The following ERCC4 variants were observed in gnomAD, a reference collection of about 807,000 sequenced individuals.
The protein encoded by ERCC4 is ERCC excision repair 4, endonuclease catalytic subunit.
In ERCC4, 65 loss-of-function variants were observed where a neutral mutation model predicts 76.9. That is an observed-to-expected ratio of 0.84 (90% CI 0.69 to 1.04). The LOEUF (loss-of-function observed/expected upper bound fraction) is 1.04. Among genes scored for constraint, ERCC4 ranks in the 50% least tolerant of loss-of-function variants. The pLI, the probability that ERCC4 is intolerant of heterozygous loss-of-function variation, is 0.00. For synonymous variants in ERCC4, 463 were observed against 410.1 expected, an observed-to-expected ratio of 1.13 and a Z score of -1.56; for missense variants, 1,214 against 1,128.2, an observed-to-expected ratio of 1.08 and a Z score of -1.09.
chr16:13,946,843 C>T (rs2032524102), intron 10 of ERCC4, among the ~76,000 whole-genome samples: 1 of 152,154 alleles, frequency 6.6e-6, no homozygotes, highest in South Asian at 2.1e-4. Context: ...TAACTGCAAC[C>T]TCCACCTCCT....
intron 2 of ERCC4, among the ~76,000 whole-genome samples, chr16:13,923,447 G>T: frequency 6.6e-6 from 1 of 152,184 alleles, no homozygotes; most frequent in East Asian, 1.9e-4. Context: ...TATCTGTCAT[G>T]TTGCCCTGAA....
intron 9 of ERCC4, among the ~76,000 whole-genome samples, chr16:13,942,925 A>G (rs1469630878): frequency 6.6e-6 from 1 of 152,226 alleles, no homozygotes; most frequent in African/African-American, 2.4e-5. Flanking sequence ...CCAGAGTGCA[A>G]TAGAGAGAAT....
chr16:13,926,753 CA>C lies in ERCC4; in HGVS notation c.583del (p.Arg195GlyfsTer4). 2.5e-6 allele frequency: 4 copies of C among 1,608,926 alleles called. No homozygotes were observed. Among genetic ancestry groups the C allele is most frequent in the African/African-American group, 1.3e-5 (1 of 74,868 alleles). ...NLFVRKLYLW[P>X]RFHVAVNSFL... ...TTTGTGAGGAAACTGTATCTGTGGC[CA>C]AGGTAAAGAACATTATGTGACAAAT... On this transcript the variant is annotated frameshift_variant and splice_region_variant, in exon 3 of 11. Coordinates refer to ENST00000311895, the MANE Select transcript of ERCC4 (RefSeq NM_005236.3). LOFTEE classifies it high-confidence loss of function.
At chr16:13,940,222 A>C (rs868574997) in intron 9 of ERCC4, among the ~76,000 whole-genome samples, 4 of 152,046 alleles carry the variant, frequency 2.6e-5, no homozygotes, top group Non-Finnish European at 4.4e-5. Context: ...CCCTGCCTCT[A>C]CTAAAAATGC....
intron 4 of ERCC4, 85 bp from the exon 5 acceptor site, chr16:13,930,625 A>G: frequency 9.8e-7 from 1 of 1,021,246 alleles, no homozygotes; most frequent in African/African-American, 1.6e-5. Context: ...ATACACAGGA[A>G]ATAATCCTTT....
chr16:13,946,635 T>C lies in ERCC4; in HGVS notation c.2018-979T>C, dbSNP rs143689499. 2.7e-3 allele frequency among the ~76,000 whole-genome samples: 410 copies of C among 152,322 alleles called. 1 individual carries two copies. Among genetic ancestry groups the C allele is most frequent in the African/African-American group, 9.6e-3 (398 of 41,578 alleles). On this transcript the variant is annotated intron_variant, in intron 10 of 10. Coordinates refer to ENST00000311895, the MANE Select transcript of ERCC4 (RefSeq NM_005236.3). ...TCTGCCTACAGCAGCCCTTGATACT[T>C]AAAAATGTGATCCTTAAACAAGCAG... is the stretch of plus-strand genomic sequence containing the variant.
At chr16:13,930,279 T>G (rs1025005958) in intron 4 of ERCC4, among the ~76,000 whole-genome samples, 1 of 152,046 alleles carries the variant, frequency 6.6e-6, no homozygotes, top group Non-Finnish European at 1.5e-5. Flanking sequence ...ATCCCATGTC[T>G]TTATCCATCC....
At position 13,940,021 on chromosome 16, in the gene ERCC4, C is replaced by T. The variant is rs1021042487; in HGVS notation, c.1904+2163C>T. Among the ~76,000 whole-genome samples, 3 of 152,250 alleles carry T rather than the reference C, an allele frequency of 2.0e-5. No individual in the cohort carries two copies. The South Asian group carries it at 6.2e-4, about 32-fold the overall frequency. On this transcript the variant is annotated intron_variant, in intron 9 of 10. Transcript: ENST00000311895. Reference sequence around the variant, plus strand: ...GGTTCCCCAAGATCATCCTCAGGCTCGATGATTCACTAGAACTCACATGAG... The same window carrying T: ...GGTTCCCCAAGATCATCCTCAGGCTTGATGATTCACTAGAACTCACATGAG...
chr16:13,939,425 A>T (rs775865290), intron 9 of ERCC4, among the ~76,000 whole-genome samples: 15 of 152,172 alleles, frequency 9.9e-5, no homozygotes, highest in Non-Finnish European at 1.6e-4. Context: ...CGCTGGCTGC[A>T]AAGGTAAAAG....
chr16:13,931,978 C>T lies in ERCC4; in HGVS notation c.974-179C>T, dbSNP rs3136119. On this transcript the variant is annotated intron_variant, in intron 5 of 10. Coordinates refer to ENST00000311895, the MANE Select transcript of ERCC4 (RefSeq NM_005236.3). ...TTGGGGGCCCCTGGGAGTTCACGGA[C>T]CACACCCAGAAAACCACTGGTCCAG... The T allele has an allele frequency of 2.1e-3, 1,332 of 646,978 alleles. 17 individuals are homozygous for T. The African/African-American group carries it at 0.022, about 10-fold the overall frequency. The allele number at this position is 646,978 out of a possible 1,614,324, so 40.1% of individuals were successfully genotyped here.
intron 6 of ERCC4, 184 bp from the exon 7 acceptor site, chr16:13,934,008 A>G: frequency 1.8e-6 from 1 of 541,414 alleles, no homozygotes. Flanking sequence ...GGTTTGAAGT[A>G]TCTTTCATTT....
rs1442624626 is a variant in ERCC4, at chr16:13,935,716, G to C, written c.1784G>C (p.Arg595Thr). 4.3e-6 allele frequency: 7 copies of C among 1,614,034 alleles called. No homozygotes were observed. Among genetic ancestry groups the C allele is most frequent in the Non-Finnish European group, 5.9e-6 (7 of 1,179,906 alleles). ...TTTGTTCGGCAGCTTGAAATTTACAGGGCGAGTAGGCCTGGGAAACCTCTG... is the reference window on the plus strand; with the variant it reads ...TTTGTTCGGCAGCTTGAAATTTACACGGCGAGTAGGCCTGGGAAACCTCTG... The part of the protein sequence containing the change: ...LTFVRQLEIY[R>T]ASRPGKPLRV... Residue 595 changes from arginine (R) to threonine (T), a missense_variant, in exon 8 of 11, where the codon AGG becomes ACG. Arg to Thr is a moderately conservative substitution (Grantham distance 71). Transcript: ENST00000311895.
At chr16:13,922,547 CTG>C in intron 2 of ERCC4, 1 of 721,332 alleles carries the variant, frequency 1.4e-6, no homozygotes, top group Non-Finnish European at 2.5e-6. Context: ...GTGGCCTCCA[CTG>C]TGTTTTGAAT....
In ERCC4 at chr16:13,920,429, A is replaced by G. The variant is rs554075532; in HGVS notation, c.207+57A>G. The G allele has an allele frequency of 2.1e-4, 305 of 1,426,458 alleles. 3 individuals are homozygous for G. The South Asian group carries it at 3.4e-3, about 16-fold the overall frequency. The allele number at this position is 1,426,458 out of a possible 1,614,324, so 88.4% of individuals were successfully genotyped here. ...CTCCGAGAGTGTTGAGGGCCTCCTG[A>G]GCGGATGCGAGGCCTCTGACAGGGA... On this transcript the variant is annotated intron_variant, in intron 1 of 10. Transcript: ENST00000311895.
rs370258803 is a variant in ERCC4 at position 13,948,100 on chromosome 16, C to A, written c.2504C>A (p.Ser835Tyr). 17 of 1,614,062 alleles carry A rather than the reference C, an allele frequency of 1.1e-5. No homozygotes were observed. The highest frequency in any genetic ancestry group is 1.4e-5 in the Non-Finnish European group (16 of 1,180,036). The change falls in exon 11 of 11, where the codon TCT becomes TAT. Residue 835 changes from serine (S) to tyrosine (Y), a missense_variant. Transcript: ENST00000311895. The part of the protein sequence containing the change: ...AATALAITAD[S>Y]ETLPESEKYN... ...ACAGCACTGGCCATTACAGCAGATT[C>A]TGAAACCCTTCCCGAGTCAGAGAAG... is the stretch of plus-strand genomic sequence containing the variant.
intron 9 of ERCC4, among the ~76,000 whole-genome samples, chr16:13,942,119 T>C (rs1205031992): frequency 6.6e-6 from 1 of 152,212 alleles, no homozygotes; most frequent in Non-Finnish European, 1.5e-5. Context: ...AAAGCAAACA[T>C]AGGAAAGCTT....
chr16:13,941,902 G>C (rs2032419626), intron 9 of ERCC4, among the ~76,000 whole-genome samples: 1 of 152,174 alleles, frequency 6.6e-6, no homozygotes. Context: ...GTTGCCATAG[G>C]ATTATGTTGT....
At chr16:13,939,366 G>A (rs936905915) in intron 9 of ERCC4, among the ~76,000 whole-genome samples, 1 of 152,136 alleles carries the variant, frequency 6.6e-6, no homozygotes, top group African/African-American at 2.4e-5. Flanking sequence ...GGAAAAGACA[G>A]ACATTAAATT....
At chr16:13,923,841 C>G (rs925635753) in intron 2 of ERCC4, among the ~76,000 whole-genome samples, 5 of 152,106 alleles carry the variant, frequency 3.3e-5, no homozygotes, top group Non-Finnish European at 7.4e-5. Flanking sequence ...CTTGGTTTTA[C>G]TTTATTTTTT....
Sources: gnomAD v4.1 joint callset for allele counts (sites outside exome capture counted in the v4.1 genomes callset) on GRCh38, gnomAD v4.1.1 for gene constraint, MANE v1.5 for transcripts, NCBI Gene and HGNC (gene_info 2026-07-23, HGNC 2026-07-21) for gene names.